The following NEDD9 variants were observed in gnomAD, a reference collection of about 807,000 sequenced individuals.
NEDD9 encodes neural precursor cell expressed, developmentally down-regulated 9.
A neutral mutation model predicts 76.6 loss-of-function variants in NEDD9; 26 were observed. The ratio of observed to expected loss-of-function variants is 0.34; its 90% CI spans 0.25 to 0.47. The LOEUF (loss-of-function observed/expected upper bound fraction) is 0.47, where lower values mean the gene tolerates loss of function less well. NEDD9 is among the 20% of genes least tolerant of loss of function. The pLI is 1.00. For missense variants in NEDD9, 937 were observed against 1,058.5 expected (o/e 0.89, Z 1.59); for synonymous variants, 392 against 414.2 (o/e 0.95, Z 0.65).
chr6:11,232,469 G>A (rs75150322), intron 1 of NEDD9, 35 bp downstream of exon 1: 12 of 1,613,938 alleles, frequency 7.4e-6, no homozygotes, highest in Middle Eastern at 1.7e-4. Flanking sequence ...ACAGCTTTCA[G>A]CTTGCAAGGT....
chr6:11,213,588 C>A lies in NEDD9; in HGVS notation c.152G>T (p.Arg51Leu), dbSNP rs1459947888. 6.2e-7 allele frequency: 1 copy of A among 1,614,116 alleles called. No homozygotes were observed. The highest frequency in any genetic ancestry group is 1.7e-5 in the Admixed American group (1 of 60,010). ...CCGGTTGCCTGGGACAATGCCTTGC[C>A]GACCGTGTAATGAGCACAGCCACCA... ...EGWWLCSLHG[R>L]QGIVPGNRVK... The change falls in exon 2 of 7, where the codon CGG (arginine) becomes CTG (leucine). Residue 51 changes from arginine to leucine, a missense_variant. Transcript: ENST00000379446. This position sits in a 1 kb window ranked among gnomAD's most constrained non-coding sequence, Gnocchi z 5.4.
intron 3 of NEDD9, among the ~76,000 whole-genome samples, chr6:11,246,010 C>T (rs1164390316): frequency 4.6e-5 from 7 of 151,998 alleles, no homozygotes; most frequent in African/African-American, 1.4e-4. Context: ...AAAACTTTCA[C>T]TATGCCAAAC....
chr6:11,305,126 C>A (rs1412174545), intron 3 of NEDD9: 3 of 1,289,014 alleles, frequency 2.3e-6, no homozygotes, highest in Non-Finnish European at 3.0e-6. Flanking sequence ...GTGCCCAGAG[C>A]TTTTTTATTT....
upstream of NEDD9, among the ~76,000 whole-genome samples, chr6:11,236,910 C>A (rs1251197663): frequency 6.6e-6 from 1 of 152,140 alleles, no homozygotes; most frequent in Non-Finnish European, 1.5e-5. The surrounding 1 kb of genome is among the most constrained non-coding windows in gnomAD (Gnocchi z 5.5). Context: ...TCTCCCTCTA[C>A]CGCCGACCCC....
chr6:11,318,950 C>T (rs765148216), intron 2 of NEDD9, among the ~76,000 whole-genome samples: 15 of 152,242 alleles, frequency 9.9e-5, no homozygotes, highest in African/African-American at 4.8e-5. Flanking sequence ...TTCATTTCTG[C>T]CATTATCCCA....
At chr6:11,294,401 G>C (rs192337254) in intron 3 of NEDD9, among the ~76,000 whole-genome samples, 1 of 152,082 alleles carries the variant, frequency 6.6e-6, no homozygotes, top group Non-Finnish European at 1.5e-5. Flanking sequence ...TGCTGTTCTC[G>C]TGATAGTGAG....
Position 11,185,635 on chromosome 6 carries a change from T to C in NEDD9, c.2032A>G (p.Lys678Glu), listed in dbSNP as rs746910912. ...QFQLLEQEIT[K>E]PVENDISKWK... ...TTCGAGATGTCATTCTCCACGGGCTTTGTAATCTCTTGTTCCAACAGCTGG... is the reference window on the plus strand; with the variant it reads ...TTCGAGATGTCATTCTCCACGGGCTCTGTAATCTCTTGTTCCAACAGCTGG... Residue 678 changes from lysine (K) to glutamate (E), a missense_variant, in exon 7 of 7, where the codon AAG becomes GAG. Lys to Glu is a moderately conservative substitution (Grantham distance 56). Transcript: ENST00000379446. The C allele has an allele frequency of 6.2e-7, 1 of 1,614,206 alleles. No individual in the cohort carries two copies.
chr6:11,213,403 G>C lies in NEDD9; in HGVS notation c.337C>G (p.Gln113Glu). The change falls in exon 2 of 7, where the codon CAA becomes GAA. Residue 113 changes from glutamine to glutamate, a missense_variant. Gln to Glu is a conservative substitution (Grantham distance 29, BLOSUM62 2). Coordinates refer to ENST00000379446, the MANE Select transcript of NEDD9 (RefSeq NM_006403.4). This position sits in a 1 kb window ranked among gnomAD's most constrained non-coding sequence, Gnocchi z 5.4. Reference protein sequence around the residue: ...DTIYQVPPSYQNQGIYQVPTG... With the variant: ...DTIYQVPPSYENQGIYQVPTG... The stretch of plus-strand genomic sequence containing the variant: ...GGGACTTGGTAAATTCCCTGATTTT[G>C]GTAGGAAGGTGGCACTTGGTAGATG... 1 of 1,613,998 alleles carries C rather than the reference G, an allele frequency of 6.2e-7. No homozygotes were observed. The highest frequency in any genetic ancestry group is 1.1e-5 in the South Asian group (1 of 91,046).
intron 1 of NEDD9, among the ~76,000 whole-genome samples, chr6:11,355,587 A>G (rs896884410): frequency 1.3e-5 from 2 of 152,114 alleles, no homozygotes; most frequent in African/African-American, 4.8e-5. Context: ...GGTCAGTCAC[A>G]TGTTTTCAGG....
chr6:11,289,597 C>T (rs1760723157), intron 3 of NEDD9, among the ~76,000 whole-genome samples: 1 of 152,182 alleles, frequency 6.6e-6, no homozygotes, highest in Non-Finnish European at 1.5e-5. Context: ...GGACTACAGG[C>T]ACCTGCCACC....
At position 11,370,284 on chromosome 6, in the gene NEDD9, C is replaced by T. The variant is rs541816710; in HGVS notation, c.-214+11855G>A. ...TGAAGCAAGAAGTGAGGAACATTGT[C>T]TTTGAAAAATGCTCTGACCAAAACC... is the stretch of plus-strand genomic sequence containing the variant. On this transcript the variant is annotated intron_variant, in intron 1 of 3. Coordinates refer to the NEDD9 transcript ENST00000397378. This position sits in a 1 kb window ranked among gnomAD's most constrained non-coding sequence, Gnocchi z 4.2. 6.6e-6 allele frequency among the ~76,000 whole-genome samples: 1 copy of T among 152,300 alleles called. No individual in the cohort carries two copies. The highest frequency in any genetic ancestry group is 6.5e-5 in the Admixed American group (1 of 15,288).
intron 3 of NEDD9, among the ~76,000 whole-genome samples, chr6:11,250,185 C>G (rs1759889529): frequency 2.0e-5 from 3 of 152,236 alleles, no homozygotes; most frequent in Non-Finnish European, 4.4e-5. Flanking sequence ...CTCTGCTGGT[C>G]TTTCTCCCCA....
chr6:11,356,417 G>A (rs147289618), intron 1 of NEDD9, among the ~76,000 whole-genome samples: 56 of 152,210 alleles, frequency 3.7e-4, no homozygotes, highest in African/African-American at 1.2e-3. Flanking sequence ...CACAAATGTC[G>A]GTATGCTAAC....
chr6:11,226,559 T>C (rs775738885), intron 1 of NEDD9, among the ~76,000 whole-genome samples: 1 of 152,234 alleles, frequency 6.6e-6, no homozygotes, highest in Non-Finnish European at 1.5e-5. Context: ...TCATTCTAAT[T>C]GACTGCAATT....
chr6:11,275,139 C>G lies in NEDD9; in HGVS notation c.12+30853G>C, dbSNP rs1294473686. ...GGACATTTTGCTCAGGGGAATAAAC[C>G]AGACACAGAAAGACAAATACAACAC... On this transcript the variant is annotated intron_variant, in intron 3 of 3. Coordinates refer to the NEDD9 transcript ENST00000397378. 5.9e-5 allele frequency among the ~76,000 whole-genome samples: 9 copies of G among 152,158 alleles called. 1 individual carries two copies. Among genetic ancestry groups the G allele is most frequent in the Admixed American group, 5.2e-4 (8 of 15,272 alleles).
At chr6:11,323,743 G>C (rs1357100359) in intron 2 of NEDD9, among the ~76,000 whole-genome samples, 2 of 152,206 alleles carry the variant, frequency 1.3e-5, no homozygotes, top group African/African-American at 4.8e-5. Flanking sequence ...AAACCTCTGA[G>C]GGACAGCCTT....
chr6:11,209,941 T>C (rs1758723805), intron 2 of NEDD9, among the ~76,000 whole-genome samples: 1 of 147,068 alleles, frequency 6.8e-6, no homozygotes, highest in Admixed American at 6.9e-5. Context: ...GAGAGCAAAG[T>C]TGAAGTGATA....
intron 1 of NEDD9, among the ~76,000 whole-genome samples, chr6:11,366,384 CAG>C (rs538981875): frequency 8.1e-4 from 105 of 130,254 alleles, no homozygotes; most frequent in African/African-American, 1.7e-3. Context: ...GGGAGCAAGA[CAG>C]AGAGAGAGAG....
chr6:11,275,869 T>C (rs1004146590), intron 3 of NEDD9, among the ~76,000 whole-genome samples: 2 of 152,244 alleles, frequency 1.3e-5, no homozygotes, highest in East Asian at 3.8e-4. Flanking sequence ...AGGATGTTCT[T>C]GTAGTTATTG....
Sources: gnomAD v4.1 joint callset for allele counts (sites outside exome capture counted in the v4.1 genomes callset) on GRCh38, gnomAD v4.1.1 for gene constraint, Gnocchi (gnomAD v3.1) non-coding constraint, MANE v1.5 for transcripts, NCBI Gene and HGNC (gene_info 2026-07-23, HGNC 2026-07-21) for gene names.